MAPK4: variants seen among roughly 807,000 people sequenced by gnomAD.
MAPK4 encodes Erk3-related.
Under a neutral mutation model 47.7 loss-of-function variants are expected in MAPK4, and 22 were observed. That is an observed-to-expected ratio of 0.46 (90% CI 0.33 to 0.66). The LOEUF (loss-of-function observed/expected upper bound fraction) is 0.66, where lower values mean the gene tolerates loss of function less well. Ranked by LOEUF, MAPK4 falls within the 30% of genes least tolerant of loss-of-function variation. The pLI is 0.02. For synonymous variants in MAPK4, 390 were observed against 365.7 expected (o/e 1.07, Z -0.76); for missense variants, 736 against 831.7 (o/e 0.88, Z 1.42).
intron 1 of MAPK4, among the ~76,000 whole-genome samples, chr18:50,594,539 T>C (rs2042466047): frequency 6.6e-6 from 1 of 152,134 alleles, no homozygotes; most frequent in African/African-American, 2.4e-5. Flanking sequence ...AAAATGGATA[T>C]TAATCTGTAA....
intron 2 of MAPK4, among the ~76,000 whole-genome samples, chr18:50,688,711 T>C (rs975994685): frequency 5.3e-5 from 8 of 151,626 alleles, no homozygotes; most frequent in African/African-American, 1.9e-4. Flanking sequence ...ATAAGAATGA[T>C]ACAACGGACA....
chr18:50,609,922 C>T lies in MAPK4; in HGVS notation c.-871+49679C>T, dbSNP rs77299837. Among the ~76,000 whole-genome samples, 375 of 152,278 alleles carry T rather than the reference C, an allele frequency of 2.5e-3. 4 individuals are homozygous for T. The East Asian group carries it at 0.04, about 16-fold the overall frequency. On this transcript the variant is annotated intron_variant, in intron 1 of 5. Transcript: ENST00000400384. ...TCCCATTCTGCCAGATACTATGTGCCAAGTAGTACAGATAGGACTTTACCA... is the reference window on the plus strand; with the variant it reads ...TCCCATTCTGCCAGATACTATGTGCTAAGTAGTACAGATAGGACTTTACCA...
chr18:50,711,259 T>C (rs1487194687), intron 2 of MAPK4, among the ~76,000 whole-genome samples: 1 of 152,208 alleles, frequency 6.6e-6, no homozygotes, highest in Non-Finnish European at 1.5e-5. Context: ...AAGCCTCCCA[T>C]GGGCTCTGCG....
At chr18:50,589,003 G>C (rs2042412199) in intron 1 of MAPK4, among the ~76,000 whole-genome samples, 1 of 152,190 alleles carries the variant, frequency 6.6e-6, no homozygotes. Flanking sequence ...CTAGCGTGTA[G>C]CATCCACAGA....
chr18:50,679,129 G>A (rs913067278), intron 2 of MAPK4, among the ~76,000 whole-genome samples: 42 of 152,300 alleles, frequency 2.8e-4, no homozygotes, highest in African/African-American at 8.7e-4. Context: ...GAGCAAGCCC[G>A]GGAGCACAGA....
At chr18:50,602,054 T>G (rs1010831798) in intron 1 of MAPK4, among the ~76,000 whole-genome samples, 4 of 152,220 alleles carry the variant, frequency 2.6e-5, no homozygotes, top group African/African-American at 9.6e-5. Flanking sequence ...ATGATCCAGC[T>G]TTATCTCACA....
chr18:50,729,431 G>A lies in MAPK4; in HGVS notation c.1341G>A (p.Lys447=). 1.3e-6 allele frequency: 2 copies of A among 1,545,858 alleles called. No individual in the cohort carries two copies. The highest frequency in any genetic ancestry group is 1.7e-6 in the Non-Finnish European group (2 of 1,144,600). The change falls in exon 6 of 6, where the codon AAG becomes AAA. Residue 447 remains lysine, a synonymous_variant. Transcript: ENST00000400384. ...YLDKLLWRDN[K]PHHYSEPKLI... is the part of the protein sequence containing the mutation. The stretch of plus-strand genomic sequence containing the variant: ...ACAAGCTGCTGTGGCGCGACAACAA[G>A]CCGCACCACTACTCGGAGCCCAAGC...
intron 2 of MAPK4, among the ~76,000 whole-genome samples, chr18:50,714,307 T>C (rs1194191716): frequency 3.3e-5 from 5 of 152,224 alleles, no homozygotes; most frequent in Non-Finnish European, 7.3e-5. Flanking sequence ...GAAAACAATT[T>C]CTAAATTCCC....
chr18:50,590,275 T>TA lies in MAPK4; in HGVS notation c.-871+30034dup, dbSNP rs201238453. On this transcript the variant is annotated intron_variant, in intron 1 of 5. Coordinates refer to ENST00000400384, the MANE Select transcript of MAPK4 (RefSeq NM_002747.4). Reference sequence around the variant, plus strand: ...AAGATGCAGAGATACACATATTTTTTAATTGAATTTCAGTTAACGGTGTAA... The same window carrying TA: ...AAGATGCAGAGATACACATATTTTTTAAATTGAATTTCAGTTAACGGTGTAA... Among the ~76,000 whole-genome samples the TA allele has an allele frequency of 2.0e-5, 3 of 152,036 alleles. No homozygotes were observed. In the East Asian group the frequency reaches 5.8e-4, roughly 29 times the overall value.
intron 2 of MAPK4, among the ~76,000 whole-genome samples, chr18:50,714,188 C>A (rs1227081413): frequency 2.0e-5 from 3 of 152,176 alleles, no homozygotes; most frequent in African/African-American, 4.8e-5. Context: ...CTCACCTTGA[C>A]CCCCAATGGA....
rs772545058 is a variant in MAPK4 at position 50,663,980 on chromosome 18, A to G, written c.22A>G (p.Ile8Val). The change falls in exon 2 of 6, where the codon ATC becomes GTC. Residue 8 changes from isoleucine (I) to valine (V), a missense_variant. Coordinates refer to ENST00000400384, the MANE Select transcript of MAPK4 (RefSeq NM_002747.4). ...CACAATGGCTGAGAAGGGTGACTGCATCGCCAGTGTCTATGGGTATGACCT... is the reference window on the plus strand; with the variant it reads ...CACAATGGCTGAGAAGGGTGACTGCGTCGCCAGTGTCTATGGGTATGACCT... MAEKGDC[I>V]ASVYGYDLGG... 53 of 1,612,704 alleles carry G rather than the reference A, an allele frequency of 3.3e-5. No homozygotes were observed. Among genetic ancestry groups the G allele is most frequent in the Non-Finnish European group, 4.3e-5 (51 of 1,179,342 alleles).
chr18:50,665,982 G>A (rs907556201), intron 2 of MAPK4, among the ~76,000 whole-genome samples: 2 of 151,992 alleles, frequency 1.3e-5, no homozygotes, highest in Admixed American at 1.3e-4. Context: ...CCAAACCAAG[G>A]GTTTTAATCC....
chr18:50,729,855 G>A lies in MAPK4; in HGVS notation c.*1G>A. ...GGCCTTCTCCAAAGAAAGGTGGTGA[G>A]GGCGGAGGGGCCGCTCCAGGCCCCA... On this transcript the variant is annotated 3_prime_UTR_variant, in exon 6 of 6. Coordinates refer to ENST00000400384, the MANE Select transcript of MAPK4 (RefSeq NM_002747.4). The A allele has an allele frequency of 1.2e-6, 2 of 1,604,882 alleles. No individual in the cohort carries two copies. The highest frequency in any genetic ancestry group is 1.7e-6 in the Non-Finnish European group (2 of 1,175,262).
intron 1 of MAPK4, among the ~76,000 whole-genome samples, chr18:50,596,898 C>CACTCATT (rs2042486701): frequency 6.6e-6 from 1 of 152,194 alleles, no homozygotes; most frequent in African/African-American, 2.4e-5. Flanking sequence ...AGCTCTACTG[C>CACTCATT]ACTCATTACT....
chr18:50,689,910 G>A (rs1436640364), intron 2 of MAPK4, among the ~76,000 whole-genome samples: 1 of 152,202 alleles, frequency 6.6e-6, no homozygotes, highest in Non-Finnish European at 1.5e-5. Flanking sequence ...TAGGAAGATT[G>A]AGCTAGTGCA....
chr18:50,564,217 C>T (rs542120798), intron 1 of MAPK4, among the ~76,000 whole-genome samples: 3 of 152,308 alleles, frequency 2.0e-5, no homozygotes, highest in South Asian at 4.1e-4. Flanking sequence ...AAAGCTTTAT[C>T]GTTTGCAGGG....
intron 1 of MAPK4, among the ~76,000 whole-genome samples, chr18:50,656,609 G>A (rs953625895): frequency 2.0e-5 from 3 of 152,166 alleles, no homozygotes; most frequent in South Asian, 2.1e-4. Context: ...ATGACACAAG[G>A]CCTGAAAACC....
At chr18:50,597,739 CCT>C (rs1489889861) in intron 1 of MAPK4, among the ~76,000 whole-genome samples, 1 of 152,194 alleles carries the variant, frequency 6.6e-6, no homozygotes, top group Admixed American at 6.5e-5. Flanking sequence ...AGAAACCATA[CCT>C]AGATTATCTC....
At chr18:50,726,214 G>A (rs1377865586) in intron 5 of MAPK4, 39 bp downstream of exon 5, 3 of 1,593,102 alleles carry the variant, frequency 1.9e-6, no homozygotes, top group Non-Finnish European at 2.6e-6. Flanking sequence ...ACATTTCCCT[G>A]TCCTCCCATC....
Sources: gnomAD v4.1 joint callset for allele counts (sites outside exome capture counted in the v4.1 genomes callset) on GRCh38, gnomAD v4.1.1 for gene constraint, MANE v1.5 for transcripts, NCBI Gene and HGNC (gene_info 2026-07-23, HGNC 2026-07-21) for gene names.